TMEM131L: variants seen among roughly 807,000 people sequenced by gnomAD.
The protein encoded by TMEM131L is transmembrane 131 like.
In TMEM131L, 54 loss-of-function variants were observed where a neutral mutation model predicts 192.2. The observed-to-expected ratio is 0.28, with a 90% CI of 0.23 to 0.35. TMEM131L has a LOEUF of 0.35. Ranked by LOEUF, TMEM131L falls within the 10% of genes least tolerant of loss-of-function variation. The pLI is 1.00. For synonymous variants in TMEM131L, 701 were observed against 704.9 expected (o/e 0.99, Z 0.09); for missense variants, 1,888 against 1,972.9 (o/e 0.96, Z 0.82).
At chr4:153,559,442 G>A (rs2150497196) in intron 7 of TMEM131L, among the ~76,000 whole-genome samples, 1 of 152,234 alleles carries the variant, frequency 6.6e-6, no homozygotes, top group East Asian at 1.9e-4. Context: ...TTGCATTTTT[G>A]GAGGGCCAGA....
intron 7 of TMEM131L, among the ~76,000 whole-genome samples, chr4:153,559,831 C>A (rs2150500599): frequency 6.6e-6 from 1 of 152,158 alleles, no homozygotes; most frequent in South Asian, 2.1e-4. Flanking sequence ...GAATTTAAAC[C>A]AAATCCCGCT....
At chr4:153,489,865 G>C (rs1055678337) in intron 3 of TMEM131L, among the ~76,000 whole-genome samples, 3 of 152,072 alleles carry the variant, frequency 2.0e-5, no homozygotes, top group African/African-American at 4.8e-5. Context: ...CGTTCCTTGT[G>C]TCAGAATTCA....
intron 3 of TMEM131L, among the ~76,000 whole-genome samples, chr4:153,493,920 GGCT>G (rs1441533452): frequency 1.3e-5 from 2 of 152,186 alleles, no homozygotes; most frequent in East Asian, 3.9e-4. Context: ...TCTTAGTGGT[GGCT>G]GCTGTGTAAC....
chr4:153,501,202 GTTTTTTT>G (rs34750703), intron 3 of TMEM131L, among the ~76,000 whole-genome samples: 1 of 127,546 alleles, frequency 7.8e-6, no homozygotes, highest in Non-Finnish European at 1.6e-5. Context: ...GGTTTTGCAA[GTTTTTTT>G]TTTTTTTTTT....
At chr4:153,501,642 T>C (rs1215257161) in intron 3 of TMEM131L, among the ~76,000 whole-genome samples, 1 of 152,214 alleles carries the variant, frequency 6.6e-6, no homozygotes, top group Non-Finnish European at 1.5e-5. Flanking sequence ...CTGTCACTGC[T>C]ATGGTGGTGA....
intron 7 of TMEM131L, among the ~76,000 whole-genome samples, chr4:153,566,052 A>G (rs999316408): frequency 2.0e-5 from 3 of 152,178 alleles, no homozygotes; most frequent in African/African-American, 7.2e-5. Context: ...TGTCTGAAAG[A>G]TTGAAAAGAA....
At chr4:153,521,616 C>T (rs1735117228) in intron 3 of TMEM131L, among the ~76,000 whole-genome samples, 1 of 152,100 alleles carries the variant, frequency 6.6e-6, no homozygotes, top group Non-Finnish European at 1.5e-5. Flanking sequence ...CTATCGCCAC[C>T]ATCCGTCTCC....
intron 7 of TMEM131L, among the ~76,000 whole-genome samples, chr4:153,571,612 A>G (rs1180112723): frequency 6.6e-6 from 1 of 152,142 alleles, no homozygotes; most frequent in Non-Finnish European, 1.5e-5. Flanking sequence ...CCAAGCTAGA[A>G]TGCAGTGGTG....
At chr4:153,478,736 A>G (rs775978252) in intron 3 of TMEM131L, among the ~76,000 whole-genome samples, 1 of 152,188 alleles carries the variant, frequency 6.6e-6, no homozygotes, top group Non-Finnish European at 1.5e-5. Flanking sequence ...TTGGGTTATA[A>G]TCCAATATTA....
At position 153,548,400 on chromosome 4, in the gene TMEM131L, G is replaced by C. The variant is rs186785332; in HGVS notation, c.240-1673G>C. Among the ~76,000 whole-genome samples, 42 of 152,310 alleles carry C rather than the reference G, an allele frequency of 2.8e-4. No homozygotes were observed. The East Asian group carries it at 5.6e-3, about 20-fold the overall frequency. ...GCTCACTGCAAGCTCTGCGTCCCGG[G>C]TTCATGCTATTCTCCTGCCTCAGCC... On this transcript the variant is annotated intron_variant, in intron 3 of 34. Coordinates refer to ENST00000409959, the MANE Select transcript of TMEM131L (RefSeq NM_001131007.2).
chr4:153,618,476 C>CAAAAAA (rs10669791), intron 26 of TMEM131L, among the ~76,000 whole-genome samples: 2 of 99,422 alleles, frequency 2.0e-5, no homozygotes, highest in East Asian at 3.2e-4. Flanking sequence ...ACCCTGTCTC[C>CAAAAAA]AAAAAAAAAA....
intron 3 of TMEM131L, among the ~76,000 whole-genome samples, chr4:153,476,083 T>C (rs1731517219): frequency 6.6e-6 from 1 of 152,120 alleles, no homozygotes; most frequent in African/African-American, 2.4e-5. Flanking sequence ...CTCAGCTTCC[T>C]GAGTAGCTGG....
intron 29 of TMEM131L, 57 bp from the exon 30 acceptor site, chr4:153,626,090 A>G: frequency 9.3e-7 from 1 of 1,079,754 alleles, no homozygotes; most frequent in African/African-American, 1.6e-5. Flanking sequence ...TTAATACCGA[A>G]TATACAGTTG....
chr4:153,535,242 A>G (rs1281869125), intron 3 of TMEM131L, among the ~76,000 whole-genome samples: 1 of 152,122 alleles, frequency 6.6e-6, no homozygotes, highest in African/African-American at 2.4e-5. Context: ...GGCTTGAACA[A>G]CTGAGCGGAG....
At chr4:153,513,717 T>C (rs1223872567) in intron 3 of TMEM131L, among the ~76,000 whole-genome samples, 2 of 152,208 alleles carry the variant, frequency 1.3e-5, no homozygotes, top group African/African-American at 4.8e-5. Context: ...TGTTTGATGC[T>C]TCAAAAGAGG....
intron 3 of TMEM131L, among the ~76,000 whole-genome samples, chr4:153,544,867 C>T (rs1737054215): frequency 6.6e-6 from 1 of 152,184 alleles, no homozygotes; most frequent in African/African-American, 2.4e-5. Flanking sequence ...TGACCACCTG[C>T]CTCCGTGCAG....
chr4:153,559,495 A>G (rs1728707244), intron 7 of TMEM131L, among the ~76,000 whole-genome samples: 1 of 152,166 alleles, frequency 6.6e-6, no homozygotes, highest in Non-Finnish European at 1.5e-5. Context: ...AGAGACAGGT[A>G]TTCAGAATAC....
chr4:153,523,863 C>T (rs1470514926), intron 3 of TMEM131L, among the ~76,000 whole-genome samples: 2 of 152,178 alleles, frequency 1.3e-5, no homozygotes, highest in Admixed American at 6.5e-5. Context: ...GTTTTGTACC[C>T]CATACTCAGG....
At chr4:153,510,225 CTTAGAGTAGTGGGAT>C (rs1438319820) in intron 3 of TMEM131L, among the ~76,000 whole-genome samples, 1 of 152,012 alleles carries the variant, frequency 6.6e-6, no homozygotes, top group Admixed American at 6.6e-5. Context: ...ATGCTGGTGA[CTTAGAGTAGTGGGAT>C]TTAAACCAGA....
Sources: gnomAD v4.1 joint callset for allele counts (sites outside exome capture counted in the v4.1 genomes callset) on GRCh38, gnomAD v4.1.1 for gene constraint, MANE v1.5 for transcripts, NCBI Gene and HGNC (gene_info 2026-07-23, HGNC 2026-07-21) for gene names.